SNTA1: variants seen among roughly 807,000 people sequenced by gnomAD.
The protein encoded by SNTA1 is alpha-1-syntrophin.
A neutral mutation model predicts 47.1 loss-of-function variants in SNTA1; 31 were observed. The ratio of observed to expected loss-of-function variants is 0.66; its 90% CI spans 0.49 to 0.89. SNTA1 has a LOEUF of 0.89. Among genes scored for constraint, SNTA1 ranks in the 40% least tolerant of loss-of-function variants. The pLI, the probability that SNTA1 is intolerant of heterozygous loss-of-function variation, is 0.00. For missense variants in SNTA1, 575 were observed against 693.0 expected (o/e 0.83, Z 1.91); for synonymous variants, 300 against 313.6 (o/e 0.96, Z 0.46).
rs781703999 is a variant in SNTA1 at position 33,417,894 on chromosome 20, A to G, written c.526T>C (p.Phe176Leu). ...VKYMKDVSPY[F>L]KNSTGGTSVG... ...GAGGTCCCACCAGTAGAGTTCTTGA[A>G]ATACGGTGAGACGTCCTTCATATAC... The change falls in exon 3 of 8, where the codon TTC (phenylalanine) becomes CTC (leucine). Residue 176 changes from phenylalanine (F) to leucine (L), a missense_variant. Transcript: ENST00000217381. The G allele has an allele frequency of 2.4e-5, 39 of 1,613,816 alleles. No individual in the cohort carries two copies. In the Admixed American group the frequency reaches 6.3e-4, roughly 26 times the overall value.
chr20:33,418,450 A>T (rs1172079527), intron 2 of SNTA1, among the ~76,000 whole-genome samples: 1 of 151,928 alleles, frequency 6.6e-6, no homozygotes, highest in African/African-American at 2.4e-5. Context: ...GGGTCACGCC[A>T]TGTTGCTGGT....
intron 2 of SNTA1, among the ~76,000 whole-genome samples, chr20:33,425,810 G>A (rs183133120): frequency 2.1e-4 from 32 of 152,302 alleles, no homozygotes; most frequent in Admixed American, 1.6e-3. Context: ...ACTGGCTCCC[G>A]CCTGTAATCC....
intron 1 of SNTA1, among the ~76,000 whole-genome samples, chr20:33,442,448 G>A (rs1430064418): frequency 1.3e-5 from 2 of 152,136 alleles, no homozygotes; most frequent in Non-Finnish European, 2.9e-5. Flanking sequence ...TAACAACTAT[G>A]TTTAGTTGCT....
chr20:33,434,064 C>A (rs947450950), intron 2 of SNTA1, among the ~76,000 whole-genome samples: 1 of 152,174 alleles, frequency 6.6e-6, no homozygotes, highest in East Asian at 1.9e-4. Context: ...GCCATCCTTC[C>A]ATGGCCCCTT....
intron 3 of SNTA1, among the ~76,000 whole-genome samples, chr20:33,416,537 G>T (rs1267486961): frequency 2.0e-5 from 3 of 152,158 alleles, no homozygotes; most frequent in Non-Finnish European, 4.4e-5. Context: ...GGGAACGATG[G>T]CTCATGCCTG....
chr20:33,435,352 C>T (rs546799333), intron 2 of SNTA1, among the ~76,000 whole-genome samples: 2 of 151,162 alleles, frequency 1.3e-5, no homozygotes, highest in East Asian at 4.1e-4. Context: ...AATCCCAGCA[C>T]TTTGGGAGGC....
intron 2 of SNTA1, among the ~76,000 whole-genome samples, chr20:33,430,985 C>T (rs1364738223): frequency 6.6e-6 from 1 of 151,960 alleles, no homozygotes; most frequent in Non-Finnish European, 1.5e-5. Flanking sequence ...CAGCCAGGCA[C>T]ACTGGCTCAC....
At position 33,443,638 on chromosome 20, in the gene SNTA1, C is replaced by G. The variant is rs886056628; in HGVS notation, c.-18G>C. 1 of 1,197,094 alleles carries G rather than the reference C, an allele frequency of 8.4e-7. No individual in the cohort carries two copies. The highest frequency in any genetic ancestry group is 1.0e-6 in the Non-Finnish European group (1 of 964,506). 74.2% of individuals were successfully genotyped at this position (1,197,094 alleles called of 1,614,324 possible). On this transcript the variant is annotated 5_prime_UTR_variant, in exon 1 of 8. Coordinates refer to ENST00000217381, the MANE Select transcript of SNTA1 (RefSeq NM_003098.3). ...GACGCCATCTTCGCCTCCGAGCCCC[C>G]GGGCCGCCGCGCTCGCCCTGTCCCG...
At chr20:33,442,679 AC>A (rs1327725820) in intron 1 of SNTA1, among the ~76,000 whole-genome samples, 2 of 152,012 alleles carry the variant, frequency 1.3e-5, no homozygotes, top group Non-Finnish European at 2.9e-5. Flanking sequence ...CCCTAACTGC[AC>A]CCCACTAGCG....
chr20:33,439,869 C>T (rs1225343604), intron 1 of SNTA1, among the ~76,000 whole-genome samples: 4 of 152,094 alleles, frequency 2.6e-5, no homozygotes, highest in Non-Finnish European at 4.4e-5. Flanking sequence ...CCTGTAATCC[C>T]AGCACTTTGG....
chr20:33,443,101 C>T (rs1329884827), intron 1 of SNTA1, among the ~76,000 whole-genome samples: 1 of 151,974 alleles, frequency 6.6e-6, no homozygotes, highest in African/African-American at 2.4e-5. Flanking sequence ...TTATCCACAC[C>T]TGTGTCTTCC....
At chr20:33,414,881 TA>T in intron 3 of SNTA1, among the ~76,000 whole-genome samples, 1 of 152,202 alleles carries the variant, frequency 6.6e-6, no homozygotes, top group Non-Finnish European at 1.5e-5. Flanking sequence ...GACTTCTTTT[TA>T]AACATGTGGG....
chr20:33,419,167 C>A (rs911628426), intron 2 of SNTA1, among the ~76,000 whole-genome samples: 2 of 152,050 alleles, frequency 1.3e-5, no homozygotes, highest in African/African-American at 4.8e-5. Context: ...AAGGATATAC[C>A]CTCTGTGGGT....
chr20:33,424,446 G>A (rs1397354270), intron 2 of SNTA1, among the ~76,000 whole-genome samples: 1 of 151,890 alleles, frequency 6.6e-6, no homozygotes, highest in Non-Finnish European at 1.5e-5. Flanking sequence ...GCCTTAGGTG[G>A]GAGGATTGCT....
At position 33,438,884 on chromosome 20, in the gene SNTA1, C is replaced by T. The variant is rs949573711; in HGVS notation, c.453G>A (p.Ala151=). ...TGCCTGTCTTCTTGAGGACCTGCACCGCCTCATCATGGGTAGCAGAGGACA... is the reference window on the plus strand; with the variant it reads ...TGCCTGTCTTCTTGAGGACCTGCACTGCCTCATCATGGGTAGCAGAGGACA... ...EDLSSATHDE[A]VQVLKKTGKE... Residue 151 remains alanine, a synonymous_variant, in exon 2 of 8, where the codon GCG becomes GCA. Transcript: ENST00000217381. 9.3e-6 allele frequency: 15 copies of T among 1,614,008 alleles called. No homozygotes were observed. Among genetic ancestry groups the T allele is most frequent in the South Asian group, 3.3e-5 (3 of 91,092 alleles).
At chr20:33,437,190 G>T (rs2146805524) in intron 2 of SNTA1, among the ~76,000 whole-genome samples, 1 of 151,446 alleles carries the variant, frequency 6.6e-6, no homozygotes, top group Non-Finnish European at 1.5e-5. Flanking sequence ...TTGAACCCGG[G>T]AGACGGAGGT....
chr20:33,437,180 T>C (rs1218709731), intron 2 of SNTA1, among the ~76,000 whole-genome samples: 1 of 151,266 alleles, frequency 6.6e-6, no homozygotes, highest in Non-Finnish European at 1.5e-5. Flanking sequence ...GAAGAATTGC[T>C]TGAACCCGGG....
Position 33,443,395 on chromosome 20 carries a change from GC to G in SNTA1, c.225del (p.Gln76SerfsTer13). On this transcript the variant is annotated frameshift_variant, in exon 1 of 8. Transcript: ENST00000217381. LOFTEE classifies it high-confidence loss of function. ...NGAAEPGAGP[P>X]QLPEALLLQR... ...TGGAGCAGTAGCGCCTCTGGCAGCT[GC>G]GGGGGCCCGGCGCCCGGCTCCGCGG... 1 of 1,366,158 alleles carries G rather than the reference GC, an allele frequency of 7.3e-7. No individual in the cohort carries two copies. Among genetic ancestry groups the G allele is most frequent in the Non-Finnish European group, 9.4e-7 (1 of 1,066,454 alleles). The allele number at this position is 1,366,158 out of a possible 1,614,324, so 84.6% of individuals were successfully genotyped here. A position where few individuals can be genotyped will look rare whatever the true frequency, so the allele number is the denominator to read the frequency against.
chr20:33,434,829 C>T lies in SNTA1; in HGVS notation c.496+4012G>A, dbSNP rs114103214. ...TTGGGATTACAGGCGTAAGCCACCACGCCTGCCTGGAGCTGCCACTCTAAA... is the reference window on the plus strand; with the variant it reads ...TTGGGATTACAGGCGTAAGCCACCATGCCTGCCTGGAGCTGCCACTCTAAA... On this transcript the variant is annotated intron_variant, in intron 2 of 7. Coordinates refer to ENST00000217381, the MANE Select transcript of SNTA1 (RefSeq NM_003098.3). Among the ~76,000 whole-genome samples the T allele has an allele frequency of 5.4e-3, 813 of 151,886 alleles. 10 individuals are homozygous for T. The highest frequency in any genetic ancestry group is 0.018 in the African/African-American group (761 of 41,420).
Sources: gnomAD v4.1 joint callset for allele counts (sites outside exome capture counted in the v4.1 genomes callset) on GRCh38, gnomAD v4.1.1 for gene constraint, MANE v1.5 for transcripts, NCBI Gene and HGNC (gene_info 2026-07-23, HGNC 2026-07-21) for gene names.